FER1L6: variants seen among roughly 807,000 people sequenced by gnomAD.
The protein encoded by FER1L6 is fer-1 like family member 6.
Under a neutral mutation model 219.2 loss-of-function variants are expected in FER1L6, and 177 were observed. That is an observed-to-expected ratio of 0.81 (90% confidence interval 0.71 to 0.91). The LOEUF is 0.91. Among genes scored for constraint, FER1L6 ranks in the 40% least tolerant of loss-of-function variants. FER1L6 has a pLI of 0.00. For synonymous variants in FER1L6, 768 were observed against 824.3 expected (o/e 0.93, Z 1.17); for missense variants, 2,153 against 2,259.9 (o/e 0.95, Z 0.96).
intron 1 of FER1L6, among the ~76,000 whole-genome samples, chr8:123,905,737 G>A (rs972469853): frequency 5.9e-5 from 9 of 151,986 alleles, no homozygotes; most frequent in Non-Finnish European, 1.3e-4. Context: ...ATGGTTCCTG[G>A]CACATGATAA....
At position 124,097,815 on chromosome 8, in the gene FER1L6, T is replaced by A. The variant is rs372723456; in HGVS notation, c.4815T>A (p.Thr1605=). 6 of 1,605,732 alleles carry A rather than the reference T, an allele frequency of 3.7e-6. No homozygotes were observed. The highest frequency in any genetic ancestry group is 5.1e-6 in the Non-Finnish European group (6 of 1,172,392). The part of the protein sequence containing the change: ...GYELRVTIWN[T]EDVILEDENI... ...AATTGAGAGTGACCATCTGGAACAC[T>A]GAAGATGTCATTTTAGAGGATGAGA... Residue 1605 remains threonine, a synonymous_variant, in exon 37 of 41, where the codon ACT becomes ACA. Coordinates refer to ENST00000522917, the MANE Select transcript of FER1L6 (RefSeq NM_001039112.2).
chr8:124,001,483 T>C (rs774426640), intron 12 of FER1L6, among the ~76,000 whole-genome samples: 1 of 152,222 alleles, frequency 6.6e-6, no homozygotes, highest in African/African-American at 2.4e-5. Context: ...GTTTCAGCCA[T>C]AGTGGATATC....
At chr8:123,903,633 A>G (rs886169562) in intron 1 of FER1L6, among the ~76,000 whole-genome samples, 1 of 152,158 alleles carries the variant, frequency 6.6e-6, no homozygotes, top group African/African-American at 2.4e-5. Flanking sequence ...TTTTTTCCTA[A>G]ATGGGAAATG....
chr8:123,885,366 C>T (rs1817182700), intron 1 of FER1L6, among the ~76,000 whole-genome samples: 1 of 152,186 alleles, frequency 6.6e-6, no homozygotes, highest in African/African-American at 2.4e-5. Flanking sequence ...TCAAAGCTTC[C>T]ACTGCTGTCT....
In FER1L6 at chr8:124,054,293, G is replaced by T. The variant is rs183659800; in HGVS notation, c.2874+4537G>T. On this transcript the variant is annotated intron_variant, in intron 22 of 40. Transcript: ENST00000522917. ...CCACCAGGAACATTCTCAAAGTCTG[G>T]TTTTTTTTGGAACATCACTCCCTCC... Among the ~76,000 whole-genome samples the T allele has an allele frequency of 8.4e-3, 1,282 of 151,920 alleles. 8 individuals carry two copies. Among genetic ancestry groups the T allele is most frequent in the Non-Finnish European group, 0.013 (852 of 67,964 alleles).
chr8:123,904,285 A>T (rs1812913405), intron 1 of FER1L6, among the ~76,000 whole-genome samples: 2 of 122,574 alleles, frequency 1.6e-5, no homozygotes, highest in African/African-American at 6.1e-5. Flanking sequence ...GGGGCTAAGC[A>T]CCACTCCCAG....
chr8:123,901,468 CT>C (rs942439044), intron 1 of FER1L6, among the ~76,000 whole-genome samples: 11 of 152,102 alleles, frequency 7.2e-5, no homozygotes, highest in Non-Finnish European at 1.2e-4. Flanking sequence ...TTTCATTTAT[CT>C]TTTTTTGTTT....
At position 123,884,754 on chromosome 8, in the gene FER1L6, G is replaced by A. The variant is rs183348535; in HGVS notation, c.-8+32569G>A. ...GCTGACCCTGCAGTGAGGCAGCTTGGAAATCCCTGCCCTGGCTGGCCTTGC... is the reference window on the plus strand; with the variant it reads ...GCTGACCCTGCAGTGAGGCAGCTTGAAAATCCCTGCCCTGGCTGGCCTTGC... On this transcript the variant is annotated intron_variant, in intron 1 of 40. Transcript: ENST00000522917. Among the ~76,000 whole-genome samples the A allele has an allele frequency of 9.2e-5, 14 of 151,790 alleles. No homozygotes were observed. The East Asian group carries it at 2.3e-3, about 25-fold the overall frequency.
intron 25 of FER1L6, among the ~76,000 whole-genome samples, chr8:124,064,000 C>T (rs536648696): frequency 2.6e-5 from 4 of 152,306 alleles, no homozygotes; most frequent in African/African-American, 9.6e-5. Flanking sequence ...CAGATTAACA[C>T]ACAGCAGGGG....
intron 22 of FER1L6, 40 bp from the exon 23 acceptor site, chr8:124,060,140 G>C (rs1586652125): frequency 1.3e-6 from 2 of 1,502,830 alleles, no homozygotes; most frequent in Non-Finnish European, 1.9e-6. Context: ...CCTTCCCTGT[G>C]TCTCTCCAGC....
chr8:123,884,351 G>A (rs914547548), intron 1 of FER1L6, among the ~76,000 whole-genome samples: 3 of 145,236 alleles, frequency 2.1e-5, no homozygotes, highest in South Asian at 2.2e-4. Context: ...TCCCAGCCAC[G>A]AAGCTGCCAA....
At chr8:123,927,674 G>A (rs886768491) in intron 1 of FER1L6, among the ~76,000 whole-genome samples, 6 of 152,160 alleles carry the variant, frequency 3.9e-5, no homozygotes, top group African/African-American at 1.4e-4. Context: ...TAATAGCTGG[G>A]TGGGCAGGCT....
At chr8:123,960,918 C>T (rs985623489) in intron 2 of FER1L6, among the ~76,000 whole-genome samples, 19 of 152,250 alleles carry the variant, frequency 1.2e-4, no homozygotes, top group South Asian at 2.1e-4. Flanking sequence ...GACCTGCAGA[C>T]GGCAGGAATA....
At chr8:124,053,804 CA>C (rs1372112831) in intron 22 of FER1L6, among the ~76,000 whole-genome samples, 1 of 152,148 alleles carries the variant, frequency 6.6e-6, no homozygotes, top group East Asian at 1.9e-4. Context: ...GCTGCAGTGA[CA>C]TCATGATCAC....
At chr8:123,999,071 A>C (rs1225640464) in intron 12 of FER1L6, among the ~76,000 whole-genome samples, 1 of 152,190 alleles carries the variant, frequency 6.6e-6, no homozygotes, top group Non-Finnish European at 1.5e-5. Flanking sequence ...CCAAGCTGGA[A>C]TCTCAGCTGT....
At chr8:123,937,064 C>G (rs1455897459) in intron 1 of FER1L6, among the ~76,000 whole-genome samples, 1 of 152,170 alleles carries the variant, frequency 6.6e-6, no homozygotes, top group Non-Finnish European at 1.5e-5. Flanking sequence ...CACCACCATG[C>G]CCGGCTAATT....
chr8:124,069,438 C>T lies in FER1L6; in HGVS notation c.3797C>T (p.Pro1266Leu), dbSNP rs771452891. The stretch of plus-strand genomic sequence containing the variant: ...AAAGACAAAATGCTCAAGAAGAAAC[C>T]CAAAGATGATGGAATCCCCAACCTG... ...KKKDKMLKKK[P>L]KDDGIPNLAI... The change falls in exon 29 of 41, where the codon CCC becomes CTC. Residue 1266 changes from proline to leucine, a missense_variant. By Grantham distance (98) the Pro-to-Leu change is moderately conservative. Transcript: ENST00000522917. 6.2e-7 allele frequency: 1 copy of T among 1,610,654 alleles called. No homozygotes were observed. The highest frequency in any genetic ancestry group is 1.1e-5 in the South Asian group (1 of 90,496).
At chr8:124,022,919 A>AT (rs869126129) in intron 17 of FER1L6, among the ~76,000 whole-genome samples, 3,510 of 31,420 alleles carry the variant, frequency 0.11, 140 homozygotes, top group African/African-American at 0.34. Context: ...TTATTTATTT[A>AT]TTTTTTTTTT....
chr8:124,055,316 A>G (rs149850799), intron 22 of FER1L6, among the ~76,000 whole-genome samples: 1 of 152,218 alleles, frequency 6.6e-6, no homozygotes, highest in African/African-American at 2.4e-5. Context: ...TGGAGGCTGC[A>G]GTGAACTATG....
Sources: allele counts gnomAD v4.1 joint callset (sites outside exome capture counted in the v4.1 genomes callset), GRCh38; gene constraint gnomAD v4.1.1; transcripts MANE v1.5; gene names NCBI Gene and HGNC (gene_info 2026-07-23, HGNC 2026-07-21).